STK24: variants seen among roughly 807,000 people sequenced by gnomAD.
STK24 encodes the protein serine/threonine kinase 24.
Under a neutral mutation model 55.6 loss-of-function variants are expected in STK24, and 21 were observed. The observed-to-expected ratio is 0.38, with a 90% CI of 0.27 to 0.54. The LOEUF (loss-of-function observed/expected upper bound fraction) is 0.54. STK24 is among the 20% of genes least tolerant of loss of function. STK24 has a pLI of 0.79. For missense variants in STK24, 383 were observed against 538.4 expected, an observed-to-expected ratio of 0.71 and a Z score of 2.86; for synonymous variants, 200 against 215.2, an observed-to-expected ratio of 0.93 and a Z score of 0.62.
chr13:98,458,745 G>C (rs530989282), intron 9 of STK24, among the ~76,000 whole-genome samples: 1 of 152,330 alleles, frequency 6.6e-6, no homozygotes, highest in African/African-American at 2.4e-5. Flanking sequence ...CGTGTGGAAC[G>C]TGCTGGACCC....
intron 5 of STK24, among the ~76,000 whole-genome samples, chr13:98,467,811 C>T (rs1341417914): frequency 1.3e-5 from 2 of 152,154 alleles, no homozygotes; most frequent in African/African-American, 4.8e-5. Context: ...CTAAGAGGAA[C>T]TTGACAGCTG....
At chr13:98,475,956 G>T (rs1302652508) in intron 3 of STK24, among the ~76,000 whole-genome samples, 1 of 152,136 alleles carries the variant, frequency 6.6e-6, no homozygotes, top group Non-Finnish European at 1.5e-5. Context: ...TGCAGTTAAA[G>T]CTCCCCAACT....
intron 10 of STK24, chr13:98,453,438 G>T (rs1187693849): frequency 1.8e-6 from 1 of 547,210 alleles, no homozygotes; most frequent in African/African-American, 1.9e-5. Flanking sequence ...AACCAAGAAT[G>T]GGTTCAGCCT....
chr13:98,489,446 C>T (rs181912291), intron 2 of STK24, among the ~76,000 whole-genome samples: 1 of 152,218 alleles, frequency 6.6e-6, no homozygotes, highest in African/African-American at 2.4e-5. Context: ...TTAACTGATT[C>T]ATCTAACACA....
chr13:98,543,027 G>A, intron 1 of STK24: 1 of 985,358 alleles, frequency 1.0e-6, no homozygotes, highest in Non-Finnish European at 1.2e-6. Flanking sequence ...AAGGCCCAAA[G>A]ACTGAAGCCT....
chr13:98,495,900 G>A (rs533558714), intron 2 of STK24, among the ~76,000 whole-genome samples: 41 of 152,104 alleles, frequency 2.7e-4, no homozygotes, highest in Non-Finnish European at 5.1e-4. Context: ...CTGATACCAC[G>A]GGCTCCATGG....
Position 98,501,830 on chromosome 13 carries a change from A to G in STK24, c.273+17413T>C, listed in dbSNP as rs112188698. 9.0e-4 allele frequency among the ~76,000 whole-genome samples: 137 copies of G among 152,192 alleles called. 1 individual carries two copies. The highest frequency in any genetic ancestry group is 3.0e-3 in the African/African-American group (124 of 41,540). ...CTCTCCGACACGGCCCAAGGTCCCC[A>G]TTTGGCTTTCCCCTGTTGCCCTATC... is the stretch of plus-strand genomic sequence containing the variant. On this transcript the variant is annotated intron_variant, in intron 2 of 10. Coordinates refer to ENST00000539966, the MANE Select transcript of STK24 (RefSeq NM_001032296.4).
intron 10 of STK24, chr13:98,456,395 G>C: frequency 2.2e-6 from 1 of 449,692 alleles, no homozygotes; most frequent in East Asian, 7.1e-5. Flanking sequence ...AAGATGAACT[G>C]TCAAGGCAGC....
chr13:98,454,386 G>C (rs183791277), intron 10 of STK24: 10 of 152,332 alleles, frequency 6.6e-5, no homozygotes, highest in East Asian at 1.9e-4. Context: ...AGAGATGGCT[G>C]AGGATGTCTT....
intron 1 of STK24, among the ~76,000 whole-genome samples, chr13:98,529,381 G>C (rs1191010090): frequency 6.6e-6 from 1 of 152,046 alleles, no homozygotes; most frequent in East Asian, 1.9e-4. Flanking sequence ...TCCACTTCAA[G>C]ACCTGCCTGT....
intron 9 of STK24, among the ~76,000 whole-genome samples, chr13:98,459,356 T>C: frequency 6.6e-6 from 1 of 152,242 alleles, no homozygotes; most frequent in East Asian, 1.9e-4. Context: ...TACTTCCCAC[T>C]TGAAGCTGCA....
At position 98,507,773 on chromosome 13, in the gene STK24, GCA is replaced by G. The variant is rs1169690944; in HGVS notation, c.273+11468_273+11469del. Among the ~76,000 whole-genome samples, 18 of 152,292 alleles carry G rather than the reference GCA, an allele frequency of 1.2e-4. No individual in the cohort carries two copies. The East Asian group carries it at 1.5e-3, about 13-fold the overall frequency. ...GTCTCCAGGTCTCCAGATCTCCAGA[GCA>G]CAGAGTCAGGAAGGCGGGAGACAAA... On this transcript the variant is annotated intron_variant, in intron 2 of 10. Coordinates refer to ENST00000539966, the MANE Select transcript of STK24 (RefSeq NM_001032296.4).
At chr13:98,526,079 C>T (rs143417292) in intron 1 of STK24, among the ~76,000 whole-genome samples, 18 of 152,240 alleles carry the variant, frequency 1.2e-4, no homozygotes, top group Admixed American at 4.6e-4. Context: ...GGCTGGAGTG[C>T]GGTGGAGGGA....
intron 3 of STK24, among the ~76,000 whole-genome samples, chr13:98,480,012 A>AGCGGAGACC (rs1012387056): frequency 1.6e-4 from 25 of 152,308 alleles, no homozygotes; most frequent in African/African-American, 6.0e-4. Context: ...AAGGTCTCCT[A>AGCGGAGACC]GCTGAGACCC....
At chr13:98,513,902 C>T (rs191930347) in intron 2 of STK24, among the ~76,000 whole-genome samples, 153 of 152,278 alleles carry the variant, frequency 1.0e-3, no homozygotes, top group Middle Eastern at 6.8e-3. Flanking sequence ...CATAATAACC[C>T]ATCTGAATTC....
chr13:98,567,676 C>T lies in STK24; in HGVS notation c.42+9069G>A, dbSNP rs1432590475. Among the ~76,000 whole-genome samples the T allele has an allele frequency of 3.3e-5, 5 of 152,230 alleles. No individual in the cohort carries two copies. In the East Asian group the frequency reaches 9.7e-4, roughly 29 times the overall value. On this transcript the variant is annotated intron_variant, in intron 1 of 10. Coordinates refer to ENST00000539966, the MANE Select transcript of STK24 (RefSeq NM_001032296.4). ...CTCATGATGAAGAGAACGGAGGCTC[C>T]GAGTTCTTGCCCGCCGCCCTGGCCC...
chr13:98,537,100 G>A (rs1446807799), intron 1 of STK24, among the ~76,000 whole-genome samples: 2 of 152,180 alleles, frequency 1.3e-5, no homozygotes, highest in Non-Finnish European at 2.9e-5. Context: ...GTGGCCTTCA[G>A]CTCCTTGAGT....
At chr13:98,555,689 T>C (rs1370167538) in intron 1 of STK24, among the ~76,000 whole-genome samples, 1 of 146,980 alleles carries the variant, frequency 6.8e-6, no homozygotes, top group Non-Finnish European at 1.5e-5. Flanking sequence ...GTCTTTTTTT[T>C]TTTTTTTTTG....
chr13:98,528,727 A>G (rs1324309693), intron 1 of STK24, among the ~76,000 whole-genome samples: 2 of 152,224 alleles, frequency 1.3e-5, no homozygotes, highest in East Asian at 3.8e-4. Context: ...TTTCAGTGTT[A>G]CTCAGCTCCA....
Sources: gnomAD v4.1 joint callset for allele counts (sites outside exome capture counted in the v4.1 genomes callset) on GRCh38, gnomAD v4.1.1 for gene constraint, MANE v1.5 for transcripts, NCBI Gene and HGNC (gene_info 2026-07-23, HGNC 2026-07-21) for gene names.